The following SHISA9 variants were observed in gnomAD, a reference collection of about 807,000 sequenced individuals.
SHISA9 encodes the protein shisa family member 9.
In SHISA9, 13 loss-of-function variants were observed where a neutral mutation model predicts 38.0. That is an observed-to-expected ratio of 0.34 (90% confidence interval 0.22 to 0.54). The LOEUF (loss-of-function observed/expected upper bound fraction) is 0.54, where lower values mean the gene tolerates loss of function less well. SHISA9 is among the 20% of genes least tolerant of loss of function. SHISA9 has a pLI of 0.91. For synonymous variants in SHISA9, 275 were observed against 242.0 expected (o/e 1.14, Z -1.27); for missense variants, 538 against 575.8 (o/e 0.93, Z 0.67).
At chr16:13,342,751 G>T in the SHISA9 span, among the ~76,000 whole-genome samples, 1 of 152,018 alleles carries the variant, frequency 6.6e-6, no homozygotes, top group Non-Finnish European at 1.5e-5. Flanking sequence ...AGATTTCATG[G>T]TCCATTATTT....
chr16:13,255,745 CA>C, the SHISA9 span, among the ~76,000 whole-genome samples: 1 of 152,136 alleles, frequency 6.6e-6, no homozygotes, highest in Non-Finnish European at 1.5e-5. Flanking sequence ...ATTATATGAG[CA>C]CCTGCTATAT....
chr16:13,295,824 T>A, the SHISA9 span, among the ~76,000 whole-genome samples: 1 of 152,156 alleles, frequency 6.6e-6, no homozygotes, highest in Non-Finnish European at 1.5e-5. Context: ...GCATGAAGTG[T>A]GCCAAAGAGA....
At chr16:13,260,929 C>A in the SHISA9 span, among the ~76,000 whole-genome samples, 1 of 151,864 alleles carries the variant, frequency 6.6e-6, no homozygotes. Context: ...TGGCAGGAGG[C>A]GAAAGGCACT....
At chr16:13,020,890 C>A (rs36059459) in intron 2 of SHISA9, among the ~76,000 whole-genome samples, 1 of 152,142 alleles carries the variant, frequency 6.6e-6, no homozygotes. Flanking sequence ...GAGCATTATA[C>A]GCAAGGGCAA....
At chr16:12,990,837 T>C (rs1225838349) in intron 2 of SHISA9, among the ~76,000 whole-genome samples, 1 of 152,244 alleles carries the variant, frequency 6.6e-6, no homozygotes, top group African/African-American at 2.4e-5. Context: ...TGAACATCTC[T>C]GCGCATTAAA....
chr16:13,429,404 C>T, the SHISA9 span, among the ~76,000 whole-genome samples: 2 of 152,136 alleles, frequency 1.3e-5, no homozygotes, highest in African/African-American at 2.4e-5. Context: ...GGTTTGCTGG[C>T]ATCCCTTGTC....
rs934907612 is a variant in SHISA9 at position 13,239,896 on chromosome 16, A to G, written c.*4487A>G. The stretch of plus-strand genomic sequence containing the variant: ...TGGGAGGGTAGACAGACCTCACAAT[A>G]TGGAAAGACGGGACAACCTATGGAA... On this transcript the variant is annotated 3_prime_UTR_variant, in exon 5 of 5. Transcript: ENST00000558583. 2.0e-5 allele frequency: 3 copies of G among 152,222 alleles called. No homozygotes were observed. Among genetic ancestry groups the G allele is most frequent in the Non-Finnish European group, 4.4e-5 (3 of 68,054 alleles). 9.4% of individuals were successfully genotyped at this position (152,222 alleles called of 1,614,324 possible).
At chr16:13,377,310 C>G in the SHISA9 span, among the ~76,000 whole-genome samples, 1 of 152,176 alleles carries the variant, frequency 6.6e-6, no homozygotes, top group Non-Finnish European at 1.5e-5. Context: ...TCAGAGCAGC[C>G]GTGTACTCAA....
At chr16:12,912,370 C>A (rs886802967) in intron 1 of SHISA9, among the ~76,000 whole-genome samples, 4 of 152,116 alleles carry the variant, frequency 2.6e-5, no homozygotes, top group Admixed American at 2.6e-4. Context: ...GCAGAACCGA[C>A]CAAGTTCACA....
At chr16:13,305,369 G>C in the SHISA9 span, among the ~76,000 whole-genome samples, 1 of 152,196 alleles carries the variant, frequency 6.6e-6, no homozygotes, top group African/African-American at 2.4e-5. Flanking sequence ...TGTGACTCCA[G>C]GTATTCAGGC....
the SHISA9 span, among the ~76,000 whole-genome samples, chr16:13,268,209 C>G: frequency 1.8e-3 from 281 of 152,244 alleles, 1 homozygote; most frequent in African/African-American, 6.4e-3. Context: ...GATGAATAAA[C>G]CATGCCTTAT....
chr16:13,296,649 G>A, the SHISA9 span, among the ~76,000 whole-genome samples: 1 of 151,774 alleles, frequency 6.6e-6, no homozygotes, highest in South Asian at 2.1e-4. Context: ...ATTGCACTTT[G>A]GGAGGCCAAG....
the SHISA9 span, among the ~76,000 whole-genome samples, chr16:13,402,175 C>T: frequency 4.6e-5 from 7 of 151,970 alleles, no homozygotes; most frequent in Non-Finnish European, 8.8e-5. Context: ...AATTGGCTCA[C>T]GTGATTATGG....
the SHISA9 span, among the ~76,000 whole-genome samples, chr16:13,544,797 G>A: frequency 6.6e-6 from 1 of 152,030 alleles, no homozygotes; most frequent in East Asian, 1.9e-4. Context: ...ACAAAAATTC[G>A]CTGGGCGTGG....
chr16:12,994,800 G>A (rs79738910), intron 2 of SHISA9, among the ~76,000 whole-genome samples: 7 of 152,140 alleles, frequency 4.6e-5, no homozygotes, highest in East Asian at 1.9e-4. Context: ...AAGGATGTCC[G>A]TATCTTTGGC....
At chr16:13,096,093 G>T (rs2073823681) in intron 2 of SHISA9, among the ~76,000 whole-genome samples, 1 of 152,214 alleles carries the variant, frequency 6.6e-6, no homozygotes, top group Admixed American at 6.5e-5. Context: ...GGTTAACGAT[G>T]AACAAGTCAC....
At chr16:12,953,188 A>C (rs2071782738) in intron 2 of SHISA9, among the ~76,000 whole-genome samples, 1 of 150,226 alleles carries the variant, frequency 6.7e-6, no homozygotes, top group South Asian at 2.1e-4. Flanking sequence ...TAAAAAAAAA[A>C]AGAAAAACAA....
At chr16:13,116,778 G>T (rs771160772) in intron 2 of SHISA9, among the ~76,000 whole-genome samples, 20 of 152,144 alleles carry the variant, frequency 1.3e-4, no homozygotes, top group South Asian at 6.2e-4. Context: ...AACAAAGGAG[G>T]TTTCATACGT....
At chr16:13,439,708 C>A in the SHISA9 span, among the ~76,000 whole-genome samples, 4 of 152,184 alleles carry the variant, frequency 2.6e-5, no homozygotes, top group African/African-American at 9.7e-5. Flanking sequence ...GTTCTCAAAT[C>A]TTTAATACCT....
Sources: gnomAD v4.1 joint callset for allele counts (sites outside exome capture counted in the v4.1 genomes callset) on GRCh38, gnomAD v4.1.1 for gene constraint, MANE v1.5 for transcripts, NCBI Gene and HGNC (gene_info 2026-07-23, HGNC 2026-07-21) for gene names.